NDUFB2: variants seen among roughly 807,000 people sequenced by gnomAD.
The protein encoded by NDUFB2 is NADH:ubiquinone oxidoreductase subunit B2.
In NDUFB2, 13 loss-of-function variants were observed where a neutral mutation model predicts 13.4. The ratio of observed to expected loss-of-function variants is 0.97; its 90% CI spans 0.63 to 1.54. The LOEUF (loss-of-function observed/expected upper bound fraction) is 1.54, where lower values mean the gene tolerates loss of function less well. Among genes scored for constraint, NDUFB2 ranks in the 40% most tolerant of loss-of-function variants. NDUFB2 has a pLI of 0.00. For missense variants in NDUFB2, 150 were observed against 139.7 expected (o/e 1.07, Z -0.37); for synonymous variants, 47 against 50.6 (o/e 0.93, Z 0.30).
At chr7:140,704,736 C>A in intron 2 of NDUFB2, 124 bp from the exon 3 acceptor site, 2 of 598,184 alleles carry the variant, frequency 3.3e-6, no homozygotes, top group Non-Finnish European at 5.5e-6. Flanking sequence ...AGAATTTGTT[C>A]CTGTGGTCAG....
chr7:140,698,751 G>T (rs1449852950), intron 1 of NDUFB2, among the ~76,000 whole-genome samples: 1 of 152,162 alleles, frequency 6.6e-6, no homozygotes, highest in Non-Finnish European at 1.5e-5. Context: ...AGGGACAAGT[G>T]TGGGGGCCGG....
At chr7:140,705,068 G>T in intron 3 of NDUFB2, 105 bp downstream of exon 3, 1 of 514,062 alleles carries the variant, frequency 1.9e-6, no homozygotes, top group South Asian at 4.3e-5. Flanking sequence ...TATTCTAACA[G>T]CATGAAGTTG....
At chr7:140,702,634 A>G in intron 1 of NDUFB2, 2 of 456,888 alleles carry the variant, frequency 4.4e-6, no homozygotes, top group South Asian at 4.8e-5. Context: ...ATGAATCTTC[A>G]CTAATTGAAA....
chr7:140,703,423 C>T (rs940278836), intron 2 of NDUFB2, among the ~76,000 whole-genome samples: 1 of 151,894 alleles, frequency 6.6e-6, no homozygotes, highest in Non-Finnish European at 1.5e-5. Flanking sequence ...TACAGGTGTG[C>T]ACCCCCACGC....
chr7:140,705,035 A>G (rs898534050), intron 3 of NDUFB2, 72 bp downstream of exon 3: 5 of 797,228 alleles, frequency 6.3e-6, no homozygotes, highest in Non-Finnish European at 7.5e-6. Context: ...CTTTGTGCCT[A>G]TGATGGACTT....
At chr7:140,701,220 T>C (rs1794892504) in intron 1 of NDUFB2, 1 of 152,248 alleles carries the variant, frequency 6.6e-6, no homozygotes, top group Non-Finnish European at 1.5e-5. Flanking sequence ...GTTAATGGTG[T>C]GTGTCTGTAG....
intron 1 of NDUFB2, among the ~76,000 whole-genome samples, chr7:140,699,224 C>T (rs1295148471): frequency 6.6e-6 from 1 of 152,208 alleles, no homozygotes; most frequent in Non-Finnish European, 1.5e-5. Flanking sequence ...ACTTGACTCT[C>T]AAACATTTGA....
chr7:140,699,597 G>A (rs1203272170), intron 1 of NDUFB2, among the ~76,000 whole-genome samples: 4 of 151,908 alleles, frequency 2.6e-5, no homozygotes, highest in Non-Finnish European at 4.4e-5. Flanking sequence ...CAGTGACCTC[G>A]TCATTAGCCT....
intron 2 of NDUFB2, 90 bp downstream of exon 2, chr7:140,703,100 T>C (rs954775975): frequency 1.2e-5 from 18 of 1,523,492 alleles, no homozygotes; most frequent in Admixed American, 1.8e-5. Flanking sequence ...GTAGACCATT[T>C]TTCTGTCTGG....
At chr7:140,702,119 T>C (rs1166394765) in intron 1 of NDUFB2, 4 of 680,032 alleles carry the variant, frequency 5.9e-6, no homozygotes, top group Non-Finnish European at 1.1e-5. Flanking sequence ...CTAGATGAAA[T>C]TGGTAAACAT....
intron 1 of NDUFB2, 54 bp downstream of exon 1, chr7:140,696,896 G>C (rs1373928283): frequency 6.6e-7 from 1 of 1,511,130 alleles, no homozygotes; most frequent in Non-Finnish European, 9.0e-7. Context: ...GACAGCGCGG[G>C]TCCCTGGGAC....
intron 1 of NDUFB2, 69 bp from the exon 2 acceptor site, chr7:140,702,795 CAG>C: frequency 1.3e-6 from 2 of 1,569,966 alleles, no homozygotes; most frequent in South Asian, 2.3e-5. Context: ...GGATGTAACT[CAG>C]AGGAGTTTTG....
chr7:140,704,461 A>T (rs937906645), intron 2 of NDUFB2, among the ~76,000 whole-genome samples: 1 of 152,174 alleles, frequency 6.6e-6, no homozygotes, highest in Non-Finnish European at 1.5e-5. Context: ...TTAGATCAGG[A>T]TTGGAGATGA....
Position 140,704,925 on chromosome 7 carries a change from T to G in NDUFB2, c.309T>G (p.Asp103Glu). The G allele has an allele frequency of 6.3e-7, 1 of 1,599,686 alleles. No individual in the cohort carries two copies. Among genetic ancestry groups the G allele is most frequent in the South Asian group, 1.1e-5 (1 of 88,530 alleles). The change falls in exon 3 of 4, where the codon GAT becomes GAG. Residue 103 changes from aspartate to glutamate, a missense_variant. Transcript: ENST00000247866. ...TDEELGIPPD[D>E]ED ...AAGAATTAGGTATCCCTCCTGATGA[T>G]GAAGACTGAAGGTGTAGACTCAGCC...
chr7:140,697,700 C>G (rs1794834286), intron 1 of NDUFB2, among the ~76,000 whole-genome samples: 1 of 152,164 alleles, frequency 6.6e-6, no homozygotes, highest in Admixed American at 6.5e-5. Context: ...CGCACAGTGG[C>G]TGGGTTCAAA....
intron 2 of NDUFB2, among the ~76,000 whole-genome samples, chr7:140,704,053 C>T (rs1294585357): frequency 6.6e-6 from 1 of 152,204 alleles, no homozygotes; most frequent in Non-Finnish European, 1.5e-5. Context: ...CTGCGCCCGG[C>T]CAGTTTTAGT....
At chr7:140,698,117 C>T in intron 1 of NDUFB2, 1 of 1,351,334 alleles carries the variant, frequency 7.4e-7, no homozygotes, top group Non-Finnish European at 9.8e-7. Flanking sequence ...TGCCTGAAGT[C>T]CCACATGGAT....
intron 1 of NDUFB2, among the ~76,000 whole-genome samples, chr7:140,698,816 A>T (rs1227083952): frequency 1.3e-5 from 2 of 152,182 alleles, no homozygotes; most frequent in Non-Finnish European, 2.9e-5. Flanking sequence ...ACAGGGAGCC[A>T]TTGGAGTTTT....
chr7:140,697,506 G>A (rs2130798563), intron 1 of NDUFB2: 1 of 677,994 alleles, frequency 1.5e-6, no homozygotes, highest in Non-Finnish European at 2.7e-6. Flanking sequence ...GCGGAGGGCT[G>A]GGGGTGCGAG....
Sources: allele counts gnomAD v4.1 joint callset (sites outside exome capture counted in the v4.1 genomes callset), GRCh38; gene constraint gnomAD v4.1.1; transcripts MANE v1.5; gene names NCBI Gene and HGNC (gene_info 2026-07-23, HGNC 2026-07-21).